VWC2L: variants seen among roughly 807,000 people sequenced by gnomAD.
VWC2L encodes von Willebrand factor C domain-containing protein 2-like.
Under a neutral mutation model 21.6 loss-of-function variants are expected in VWC2L, and 10 were observed. That is an observed-to-expected ratio of 0.46 (90% CI 0.29 to 0.78). The LOEUF (loss-of-function observed/expected upper bound fraction) is 0.78, where lower values mean the gene tolerates loss of function less well. Ranked by LOEUF, VWC2L falls within the 30% of genes least tolerant of loss-of-function variation. VWC2L has a pLI of 0.10. For synonymous variants in VWC2L, 96 were observed against 94.3 expected (o/e 1.02, Z -0.10); for missense variants, 209 against 277.1 (o/e 0.75, Z 1.74).
intron 3 of VWC2L, among the ~76,000 whole-genome samples, chr2:214,469,156 AAAGAT>A (rs1703266889): frequency 1.3e-5 from 2 of 152,354 alleles, no homozygotes; most frequent in South Asian, 2.1e-4. Flanking sequence ...AAAATGCAAT[AAAGAT>A]AAAAGAACGT....
chr2:214,490,423 A>G (rs1367799979), intron 3 of VWC2L, among the ~76,000 whole-genome samples: 1 of 152,092 alleles, frequency 6.6e-6, no homozygotes, highest in Non-Finnish European at 1.5e-5. Flanking sequence ...AATTGGCTGA[A>G]TCATGTCACA....
chr2:214,430,859 C>T (rs80187939), intron 2 of VWC2L, among the ~76,000 whole-genome samples: 3,555 of 152,064 alleles, frequency 0.023, 124 homozygotes, highest in African/African-American at 0.081. Context: ...TTTTTATTTG[C>T]TTCCTCAGTA....
At chr2:214,545,950 C>T (rs58187061) in intron 3 of VWC2L, among the ~76,000 whole-genome samples, 2,126 of 152,278 alleles carry the variant, frequency 0.014, 51 homozygotes, top group African/African-American at 0.048. Flanking sequence ...GGGATGTTCA[C>T]CATCCATAAT....
At chr2:214,575,449 T>C (rs905776084) in intron 3 of VWC2L, among the ~76,000 whole-genome samples, 9 of 152,170 alleles carry the variant, frequency 5.9e-5, no homozygotes, top group African/African-American at 2.2e-4. Flanking sequence ...GATTGTCTCT[T>C]TTTATTTAAG....
chr2:214,496,949 CTT>C (rs1688821335), intron 3 of VWC2L, among the ~76,000 whole-genome samples: 1 of 152,158 alleles, frequency 6.6e-6, no homozygotes, highest in Non-Finnish European at 1.5e-5. Context: ...TCCTTTCACT[CTT>C]TGCTGCAATC....
intron 3 of VWC2L, among the ~76,000 whole-genome samples, chr2:214,540,497 T>G (rs1689609124): frequency 6.6e-6 from 1 of 152,190 alleles, no homozygotes; most frequent in African/African-American, 2.4e-5. Context: ...TTAGATGTGG[T>G]TTCTCCTTGC....
intron 3 of VWC2L, among the ~76,000 whole-genome samples, chr2:214,483,641 A>G (rs1688636507): frequency 6.6e-6 from 1 of 152,220 alleles, no homozygotes. Context: ...ATGAGATTTA[A>G]GGTGACTTAC....
chr2:214,472,224 G>A (rs1428772010), intron 3 of VWC2L: 1 of 152,180 alleles, frequency 6.6e-6, no homozygotes, highest in Non-Finnish European at 1.5e-5. Flanking sequence ...GTGATACACA[G>A]CCAGGCTGAA....
chr2:214,556,035 G>A (rs894743511), intron 3 of VWC2L, among the ~76,000 whole-genome samples: 2 of 152,076 alleles, frequency 1.3e-5, no homozygotes, highest in East Asian at 1.9e-4. Context: ...ACACTCAGAT[G>A]AGCACATCAA....
chr2:214,561,247 C>T (rs1689964839), intron 3 of VWC2L, among the ~76,000 whole-genome samples: 1 of 152,182 alleles, frequency 6.6e-6, no homozygotes, highest in South Asian at 2.1e-4. Context: ...ATCAAGCACC[C>T]ACCCTTTGAA....
At chr2:214,561,163 C>G (rs1689963539) in intron 3 of VWC2L, among the ~76,000 whole-genome samples, 1 of 152,200 alleles carries the variant, frequency 6.6e-6, no homozygotes, top group Non-Finnish European at 1.5e-5. Flanking sequence ...CCCAGTGTTG[C>G]TGATTCATTA....
intron 3 of VWC2L, among the ~76,000 whole-genome samples, chr2:214,492,099 T>C (rs897814572): frequency 6.6e-6 from 1 of 152,208 alleles, no homozygotes; most frequent in Non-Finnish European, 1.5e-5. Flanking sequence ...AAAGTAAGCA[T>C]AATGACAGCT....
At chr2:214,444,843 T>C (rs1279308100) in intron 3 of VWC2L, among the ~76,000 whole-genome samples, 3 of 151,920 alleles carry the variant, frequency 2.0e-5, no homozygotes, top group Non-Finnish European at 2.9e-5. Context: ...TTACCGATTA[T>C]ATAAAAAGAT....
chr2:214,569,727 C>A (rs749968685), intron 3 of VWC2L, among the ~76,000 whole-genome samples: 28 of 152,152 alleles, frequency 1.8e-4, no homozygotes, highest in Non-Finnish European at 3.7e-4. Flanking sequence ...TCATCTGCAC[C>A]CCGACACACA....
intron 3 of VWC2L, among the ~76,000 whole-genome samples, chr2:214,461,404 T>G (rs1703138170): frequency 6.6e-6 from 1 of 152,160 alleles, no homozygotes; most frequent in Admixed American, 6.5e-5. Flanking sequence ...GTGGCGGTGA[T>G]GAGCTGGGTA....
At chr2:214,452,293 T>C (rs2126185154) in intron 3 of VWC2L, among the ~76,000 whole-genome samples, 1 of 152,302 alleles carries the variant, frequency 6.6e-6, no homozygotes. Flanking sequence ...TAGCTGGGAC[T>C]ACAGATGCAC....
intron 3 of VWC2L, among the ~76,000 whole-genome samples, chr2:214,557,350 C>T (rs139576100): frequency 1.8e-4 from 28 of 152,098 alleles, no homozygotes; most frequent in Non-Finnish European, 2.5e-4. Context: ...TAACAGTTTG[C>T]GGGAAACCAC....
intron 3 of VWC2L, among the ~76,000 whole-genome samples, chr2:214,487,706 T>C (rs925072042): frequency 3.3e-5 from 5 of 152,168 alleles, no homozygotes; most frequent in African/African-American, 4.8e-5. Context: ...TCAAGAAAGC[T>C]GTACAGTCCA....
intron 3 of VWC2L, among the ~76,000 whole-genome samples, chr2:214,518,558 G>A (rs13392179): frequency 0.032 from 4,924 of 152,244 alleles, 269 homozygotes; most frequent in African/African-American, 0.11. Context: ...AAGAAATACT[G>A]TGAAGCATGA....
Sources: allele counts gnomAD v4.1 joint callset (sites outside exome capture counted in the v4.1 genomes callset), GRCh38; gene constraint gnomAD v4.1.1; transcripts MANE v1.5; gene names NCBI Gene and HGNC (gene_info 2026-07-23, HGNC 2026-07-21).